The following STX1B variants were observed in gnomAD, a reference collection of about 807,000 sequenced individuals.
The protein encoded by STX1B is syntaxin-1B.
STX1B carries 7 observed loss-of-function variants against 39.4 expected under a neutral mutation model. The ratio of observed to expected loss-of-function variants is 0.18; its 90% confidence interval spans 0.10 to 0.33. The LOEUF is 0.33. Among genes scored for constraint, STX1B ranks in the 10% least tolerant of loss-of-function variants. The pLI, the probability that STX1B is intolerant of heterozygous loss-of-function variation, is 1.00. For synonymous variants in STX1B, 136 were observed against 144.1 expected, an observed-to-expected ratio of 0.94 and a Z score of 0.40; for missense variants, 198 against 383.2, an observed-to-expected ratio of 0.52 and a Z score of 4.04.
chr16:30,994,119 C>T (rs530366446), intron 7 of STX1B, among the ~76,000 whole-genome samples: 3 of 151,340 alleles, frequency 2.0e-5, no homozygotes, highest in East Asian at 3.9e-4. Flanking sequence ...GGTGAAACTC[C>T]GTCTCTACTA....
intron 1 of STX1B, among the ~76,000 whole-genome samples, chr16:31,005,929 G>A (rs572198771): frequency 3.3e-5 from 5 of 152,206 alleles, no homozygotes; most frequent in East Asian, 1.9e-4. Context: ...GAGCCACCAC[G>A]GGCCTTGTGT....
In STX1B at chr16:30,992,802, A is replaced by G; in HGVS notation, c.*19T>C. 6.9e-7 allele frequency: 1 copy of G among 1,456,290 alleles called. No individual in the cohort carries two copies. Among genetic ancestry groups the G allele is most frequent in the East Asian group, 2.5e-5 (1 of 39,926 alleles). 90.2% of individuals were successfully genotyped at this position (1,456,290 alleles called of 1,614,324 possible). ...ATGTGGTGGGGGAAGGGTCTGGGAGAGAGAAGGGTGGGGGGGGCCTACAAG... is the reference window on the plus strand; with the variant it reads ...ATGTGGTGGGGGAAGGGTCTGGGAGGGAGAAGGGTGGGGGGGGCCTACAAG... On this transcript the variant is annotated 3_prime_UTR_variant, in exon 10 of 10. Coordinates refer to ENST00000215095, the MANE Select transcript of STX1B (RefSeq NM_052874.5).
intron 1 of STX1B, among the ~76,000 whole-genome samples, chr16:31,008,498 C>T (rs1218844887): frequency 6.6e-6 from 1 of 151,658 alleles, no homozygotes; most frequent in Admixed American, 6.6e-5. Context: ...ACTTCCATTT[C>T]CCTGGGTTTT....
intron 7 of STX1B, among the ~76,000 whole-genome samples, chr16:30,994,586 C>T (rs939652451): frequency 2.1e-5 from 3 of 145,614 alleles, no homozygotes; most frequent in East Asian, 2.1e-4. Flanking sequence ...TGAGACCATG[C>T]TGAAAAAAAA....
At chr16:30,996,853 C>T (rs2056595232) in intron 6 of STX1B, 97 bp from the exon 7 acceptor site, 1 of 1,570,382 alleles carries the variant, frequency 6.4e-7, no homozygotes, top group Admixed American at 1.7e-5. Flanking sequence ...CCTCCCACGC[C>T]GCCTTAAGCC....
chr16:31,005,829 A>C (rs1385908120), intron 1 of STX1B, among the ~76,000 whole-genome samples: 1 of 152,058 alleles, frequency 6.6e-6, no homozygotes. Context: ...CCCCTTCCAG[A>C]AGCACCTGGG....
intron 1 of STX1B, among the ~76,000 whole-genome samples, chr16:31,002,014 C>T (rs1384368100): frequency 1.3e-5 from 2 of 152,258 alleles, no homozygotes; most frequent in African/African-American, 4.8e-5. Context: ...GCCCAGATCT[C>T]ACTTTACTCC....
chr16:30,994,679 T>A (rs548827967), intron 7 of STX1B, among the ~76,000 whole-genome samples: 1 of 151,432 alleles, frequency 6.6e-6, no homozygotes, highest in African/African-American at 2.4e-5. Context: ...CTCAGCCAGG[T>A]GACTCACTTC....
chr16:30,991,991 A>AC lies in STX1B; in HGVS notation c.*829_*830insG, dbSNP rs2056561801. 6.6e-6 allele frequency: 1 copy of AC among 151,584 alleles called. No homozygotes were observed. Among genetic ancestry groups the AC allele is most frequent in the Non-Finnish European group, 1.5e-5 (1 of 67,888 alleles). 9.4% of individuals were successfully genotyped at this position (151,584 alleles called of 1,614,324 possible). Reference sequence around the variant, plus strand: ...CACACACAGCTGCATTCTAGGTAGCAAGAAATACACATTTCTGTGCCCTCC... The same window carrying AC: ...CACACACAGCTGCATTCTAGGTAGCACAGAAATACACATTTCTGTGCCCTCC... On this transcript the variant is annotated 3_prime_UTR_variant, in exon 10 of 10. Coordinates refer to ENST00000215095, the MANE Select transcript of STX1B (RefSeq NM_052874.5).
chr16:31,009,073 T>C (rs1035378857), intron 1 of STX1B, among the ~76,000 whole-genome samples: 1 of 152,140 alleles, frequency 6.6e-6, no homozygotes, highest in Admixed American at 6.5e-5. Context: ...TGCTTCCCAT[T>C]TGGCAACCTG....
intron 1 of STX1B, among the ~76,000 whole-genome samples, chr16:31,002,973 G>A (rs1239868474): frequency 6.6e-6 from 1 of 152,108 alleles, no homozygotes; most frequent in Non-Finnish European, 1.5e-5. Context: ...TGAACTAGCC[G>A]AGGCTCACAC....
chr16:30,994,030 T>C (rs1028805439), intron 7 of STX1B, among the ~76,000 whole-genome samples: 1 of 150,032 alleles, frequency 6.7e-6, no homozygotes, highest in East Asian at 2.0e-4. Flanking sequence ...AGGTAGCTCA[T>C]GCCTGTAATC....
intron 1 of STX1B, among the ~76,000 whole-genome samples, chr16:31,009,947 G>A (rs571103298): frequency 9.1e-4 from 138 of 152,042 alleles, no homozygotes; most frequent in African/African-American, 3.1e-3. Flanking sequence ...GTCCTTCCCC[G>A]TAGCATCCCC....
At chr16:31,002,185 ACTCTCCCTCCCCTCCCAGCCGG>A (rs897283654) in intron 1 of STX1B, among the ~76,000 whole-genome samples, 1 of 117,444 alleles carries the variant, frequency 8.5e-6, no homozygotes, top group African/African-American at 3.2e-5. Context: ...CTTCCCGCCC[ACTCTCCCTCCCCTCCCAGCCGG>A]CTCTCCCTCG....
chr16:30,999,197 C>T (rs1249173634), intron 4 of STX1B, among the ~76,000 whole-genome samples: 1 of 152,128 alleles, frequency 6.6e-6, no homozygotes, highest in East Asian at 1.9e-4. Context: ...ACTTAACATG[C>T]TCCCAGATTC....
Position 31,010,498 on chromosome 16 carries a change from G to T in STX1B, c.-102C>A. 1 of 895,802 alleles carries T rather than the reference G, an allele frequency of 1.1e-6. No homozygotes were observed. Among genetic ancestry groups the T allele is most frequent in the Non-Finnish European group, 1.4e-6 (1 of 691,428 alleles). The allele number at this position is 895,802 out of a possible 1,614,324, so 55.5% of individuals were successfully genotyped here. Reference sequence around the variant, plus strand: ...GGCCGGGGTCTGGGGGCGCCGGGGGGCGCCGCGGCCGCTGCGGGGGGCCTG... The same window carrying T: ...GGCCGGGGTCTGGGGGCGCCGGGGGTCGCCGCGGCCGCTGCGGGGGGCCTG... On this transcript the variant is annotated 5_prime_UTR_variant, in exon 1 of 10. Transcript: ENST00000215095.
At chr16:31,005,337 G>A (rs762999775) in intron 1 of STX1B, among the ~76,000 whole-genome samples, 4 of 152,172 alleles carry the variant, frequency 2.6e-5, no homozygotes, top group Non-Finnish European at 4.4e-5. Context: ...ACTTTATGGT[G>A]GCCTCAGGTT....
chr16:31,010,296 C>A, intron 1 of STX1B, 71 bp downstream of exon 1: 1 of 1,041,976 alleles, frequency 9.6e-7, no homozygotes, highest in South Asian at 2.4e-5. Flanking sequence ...CAGCACCTCC[C>A]CCACTCCATC....
chr16:30,994,676 A>G (rs182568661), intron 7 of STX1B, among the ~76,000 whole-genome samples: 1 of 151,322 alleles, frequency 6.6e-6, no homozygotes, highest in African/African-American at 2.4e-5. Context: ...AGCCTCAGCC[A>G]GGTGACTCAC....
Sources: allele counts gnomAD v4.1 joint callset (sites outside exome capture counted in the v4.1 genomes callset), GRCh38; gene constraint gnomAD v4.1.1; transcripts MANE v1.5; gene names NCBI Gene and HGNC (gene_info 2026-07-23, HGNC 2026-07-21).